Variants in PPFIA1 observed in about 807,000 individuals in gnomAD.
The protein encoded by PPFIA1 is PPFI scaffold protein A1.
In PPFIA1, 25 loss-of-function variants were observed where a neutral mutation model predicts 149.9. That is an observed-to-expected ratio of 0.17 (90% CI 0.12 to 0.23). PPFIA1 has a LOEUF of 0.23. PPFIA1 is among the 10% of genes least tolerant of loss of function. The pLI is 1.00. For synonymous variants in PPFIA1, 549 were observed against 552.8 expected (o/e 0.99, Z 0.10); for missense variants, 1,362 against 1,506.5 (o/e 0.90, Z 1.59).
intron 17 of PPFIA1, 144 bp from the exon 18 acceptor site, chr11:70,355,495 G>A: frequency 2.6e-6 from 2 of 766,012 alleles, no homozygotes; most frequent in East Asian, 2.8e-5. Flanking sequence ...CTCGCCGGGA[G>A]TCTGCCTTTA....
chr11:70,355,991 A>G (rs1267762157), intron 18 of PPFIA1, among the ~76,000 whole-genome samples, 170 bp from the exon 19 acceptor site: 1 of 152,194 alleles, frequency 6.6e-6, no homozygotes. Context: ...CAGGTACAAC[A>G]CATTTCCTGT....
At chr11:70,326,857 G>T (rs1352923020) in intron 7 of PPFIA1, 39 bp downstream of exon 7, 1 of 1,536,278 alleles carries the variant, frequency 6.5e-7, no homozygotes, top group Non-Finnish European at 9.0e-7. Context: ...TCATGAAGTT[G>T]TATGTTTGGG....
At chr11:70,326,978 C>G (rs1297907517) in intron 7 of PPFIA1, 160 bp downstream of exon 7, 2 of 647,700 alleles carry the variant, frequency 3.1e-6, no homozygotes, top group Non-Finnish European at 5.2e-6. Context: ...TGCTGTGAAA[C>G]TGCCATAAGC....
chr11:70,349,154 A>G (rs80339344), intron 16 of PPFIA1, among the ~76,000 whole-genome samples: 1 of 151,618 alleles, frequency 6.6e-6, no homozygotes, highest in Non-Finnish European at 1.5e-5. Context: ...AAAAAAAAAA[A>G]AAAGGAAAAA....
chr11:70,278,612 T>G (rs2050559669), intron 2 of PPFIA1, among the ~76,000 whole-genome samples: 1 of 152,222 alleles, frequency 6.6e-6, no homozygotes, highest in Non-Finnish European at 1.5e-5. Context: ...ACCAAATGTT[T>G]GTTACTATAA....
At chr11:70,308,573 G>A (rs1345776801) in intron 2 of PPFIA1, among the ~76,000 whole-genome samples, 1 of 152,160 alleles carries the variant, frequency 6.6e-6, no homozygotes, top group African/African-American at 2.4e-5. Context: ...TCATATGTTT[G>A]TATTTTGTTA....
At chr11:70,272,745 C>T (rs930973521) in intron 2 of PPFIA1, among the ~76,000 whole-genome samples, 25 of 152,158 alleles carry the variant, frequency 1.6e-4, no homozygotes, top group African/African-American at 6.0e-4. Flanking sequence ...TATTTGGTGC[C>T]TCCATTCTGT....
At chr11:70,293,655 T>C (rs1377021811) in intron 2 of PPFIA1, among the ~76,000 whole-genome samples, 1 of 152,154 alleles carries the variant, frequency 6.6e-6, no homozygotes, top group Non-Finnish European at 1.5e-5. Flanking sequence ...TTGTGTTACT[T>C]CTCCACATAT....
At chr11:70,294,540 TTC>T (rs2051761338) in intron 2 of PPFIA1, among the ~76,000 whole-genome samples, 1 of 89,716 alleles carries the variant, frequency 1.1e-5, no homozygotes, top group South Asian at 3.7e-4. Flanking sequence ...GGTGAGAATT[TTC>T]TTTCTTTTTT....
At chr11:70,277,722 C>G (rs1367437456) in intron 2 of PPFIA1, among the ~76,000 whole-genome samples, 2 of 152,100 alleles carry the variant, frequency 1.3e-5, no homozygotes, top group Non-Finnish European at 2.9e-5. Context: ...AGCTCCTGAC[C>G]TCAAGTGATC....
intron 16 of PPFIA1, 61 bp downstream of exon 16, chr11:70,348,481 C>A: frequency 7.7e-7 from 1 of 1,305,998 alleles, no homozygotes; most frequent in Non-Finnish European, 1.1e-6. Context: ...AAATCTTGGA[C>A]ACTACAAATC....
chr11:70,333,971 A>G (rs1464917747), intron 10 of PPFIA1, among the ~76,000 whole-genome samples: 2 of 152,194 alleles, frequency 1.3e-5, no homozygotes, highest in African/African-American at 4.8e-5. Context: ...CATGCAGGTC[A>G]GAGGCCTGAC....
Position 70,270,850 on chromosome 11 carries a change from C to T in PPFIA1, c.-65C>T, listed in dbSNP as rs1229160502. The stretch of plus-strand genomic sequence containing the variant: ...TGCTTTCGTCGGCTCCCAAGCTCTC[C>T]CGGAGCGAGCAGCCGCCCGCGAGCC... On this transcript the variant is annotated 5_prime_UTR_variant, in exon 1 of 28. Coordinates refer to ENST00000253925, the MANE Select transcript of PPFIA1 (RefSeq NM_003626.5). 6.6e-6 allele frequency: 1 copy of T among 150,562 alleles called. No individual in the cohort carries two copies. Among genetic ancestry groups the T allele is most frequent in the African/African-American group, 2.4e-5 (1 of 41,238 alleles). 9.3% of individuals were successfully genotyped at this position (150,562 alleles called of 1,614,324 possible).
rs1395609211 is a variant in PPFIA1, at chr11:70,286,941, T to TATACAC, written c.264+14509_264+14514dup. On this transcript the variant is annotated intron_variant, in intron 2 of 27. Transcript: ENST00000253925. ...ATACACACATATATATACACATATA[T>TATACAC]ATACACATATACTATATATATACAT... Among the ~76,000 whole-genome samples the TATACAC allele has an allele frequency of 4.2e-5, 5 of 117,934 alleles. No homozygotes were observed. In the Admixed American group the frequency reaches 4.3e-4, roughly 10 times the overall value. 77.4% of individuals were successfully genotyped at this position (117,934 alleles called of 152,430 possible).
At chr11:70,333,212 A>G in intron 9 of PPFIA1, 1 of 562,712 alleles carries the variant, frequency 1.8e-6, no homozygotes, top group East Asian at 3.7e-5. Flanking sequence ...GATTGGGCAT[A>G]GGGGTTGGGG....
At chr11:70,309,375 G>T (rs1303611796) in intron 2 of PPFIA1, among the ~76,000 whole-genome samples, 2 of 152,164 alleles carry the variant, frequency 1.3e-5, no homozygotes, top group African/African-American at 4.8e-5. Context: ...CTCCATGTCA[G>T]TCAAGCTGGT....
chr11:70,305,610 G>A (rs1338905344), intron 2 of PPFIA1, among the ~76,000 whole-genome samples: 1 of 152,182 alleles, frequency 6.6e-6, no homozygotes, highest in African/African-American at 2.4e-5. Flanking sequence ...AGGTCAAGCA[G>A]TCTGCCTGCC....
intron 2 of PPFIA1, among the ~76,000 whole-genome samples, chr11:70,293,255 G>A (rs1272214383): frequency 6.6e-6 from 1 of 152,132 alleles, no homozygotes; most frequent in African/African-American, 2.4e-5. Flanking sequence ...CAAAGTTTCA[G>A]TTTTTTTCCC....
chr11:70,295,275 C>T (rs542545814), intron 2 of PPFIA1, among the ~76,000 whole-genome samples: 6 of 126,272 alleles, frequency 4.8e-5, no homozygotes, highest in African/African-American at 1.8e-4. Flanking sequence ...GCTGGCCGGG[C>T]GAGGGGCTGA....
Sources: gnomAD v4.1 joint callset for allele counts (sites outside exome capture counted in the v4.1 genomes callset) on GRCh38, gnomAD v4.1.1 for gene constraint, MANE v1.5 for transcripts, NCBI Gene and HGNC (gene_info 2026-07-23, HGNC 2026-07-21) for gene names.